VAPB: variants seen among roughly 807,000 people sequenced by gnomAD.
VAPB encodes the protein VAMP associated protein B and C, also known as vesicle-associated membrane protein-associated protein B/C.
In VAPB, 7 loss-of-function variants were observed where a neutral mutation model predicts 25.6. The observed-to-expected ratio is 0.27, with a 90% CI of 0.16 to 0.51. The LOEUF is 0.51. Among genes scored for constraint, VAPB ranks in the 20% least tolerant of loss-of-function variants. The pLI is 0.97. For missense variants in VAPB, 266 were observed against 301.3 expected, an observed-to-expected ratio of 0.88 and a Z score of 0.87; for synonymous variants, 112 against 109.2, an observed-to-expected ratio of 1.03 and a Z score of -0.16.
chr20:58,407,488 A>G (rs1988259100), intron 1 of VAPB, among the ~76,000 whole-genome samples: 1 of 152,214 alleles, frequency 6.6e-6, no homozygotes, highest in South Asian at 2.1e-4. Flanking sequence ...AAAATTTTTA[A>G]GTACAGAAAA....
At chr20:58,419,042 A>G (rs528137519) in intron 2 of VAPB, among the ~76,000 whole-genome samples, 1 of 152,192 alleles carries the variant, frequency 6.6e-6, no homozygotes, top group Non-Finnish European at 1.5e-5. Context: ...TGGAGTTTAA[A>G]TGTATTTTAG....
Position 58,447,988 on chromosome 20 carries a change from G to A in VAPB, c.*3753G>A. On this transcript the variant is annotated 3_prime_UTR_variant, in exon 6 of 6. Coordinates refer to ENST00000475243, the MANE Select transcript of VAPB (RefSeq NM_004738.5). ...CCCCTGCTGGAGATGGCATTTCATT[G>A]AAGGGCCTCTCGTGGCTTTCCCTGC... 2.2e-6 allele frequency: 1 copy of A among 453,954 alleles called. No homozygotes were observed. The highest frequency in any genetic ancestry group is 1.6e-5 in the South Asian group (1 of 64,462). 28.1% of individuals were successfully genotyped at this position (453,954 alleles called of 1,614,324 possible).
intron 3 of VAPB, among the ~76,000 whole-genome samples, chr20:58,436,992 C>CTTTTTTTTTTTTTTTTTT (rs34944837): frequency 1.3e-5 from 1 of 77,432 alleles, no homozygotes; most frequent in South Asian, 5.1e-4. Flanking sequence ...AAACTTTGAA[C>CTTTTTTTTTTTTTTTTTT]TTTTTTTTTT....
intron 1 of VAPB, among the ~76,000 whole-genome samples, chr20:58,417,199 A>G (rs146309443): frequency 2.8e-4 from 42 of 152,368 alleles, no homozygotes; most frequent in African/African-American, 8.9e-4. Flanking sequence ...TAGCCACCTG[A>G]CTAATAAACA....
At chr20:58,439,072 C>A in intron 4 of VAPB, 47 bp downstream of exon 4, 1 of 1,527,954 alleles carries the variant, frequency 6.5e-7, no homozygotes, top group Non-Finnish European at 9.1e-7. Context: ...TAAGCTGATA[C>A]TTATTTGCAT....
chr20:58,446,762 G>GGT lies in VAPB; in HGVS notation c.*2529_*2530dup, dbSNP rs1464391063. The stretch of plus-strand genomic sequence containing the variant: ...AGGAAACTGCTCAGGAAGAGAAACA[G>GGT]GTGACTGATGGGAAGGTTGATTATT... On this transcript the variant is annotated 3_prime_UTR_variant, in exon 6 of 6. Coordinates refer to ENST00000475243, the MANE Select transcript of VAPB (RefSeq NM_004738.5). The GGT allele has an allele frequency of 2.2e-6, 1 of 454,112 alleles. No individual in the cohort carries two copies. The highest frequency in any genetic ancestry group is 4.4e-6 in the Non-Finnish European group (1 of 226,794). 28.1% of individuals were successfully genotyped at this position (454,112 alleles called of 1,614,324 possible). A position where few individuals can be genotyped will look rare whatever the true frequency, so the allele number is the denominator to read the frequency against.
chr20:58,436,664 T>A (rs1171905115), intron 3 of VAPB, among the ~76,000 whole-genome samples: 1 of 152,174 alleles, frequency 6.6e-6, no homozygotes, highest in Non-Finnish European at 1.5e-5. Flanking sequence ...CTTTTTATTG[T>A]GATATACAGA....
chr20:58,400,292 T>C (rs1196137123), intron 1 of VAPB, among the ~76,000 whole-genome samples: 1 of 152,192 alleles, frequency 6.6e-6, no homozygotes, highest in Non-Finnish European at 1.5e-5. Flanking sequence ...GCTTGAGAAC[T>C]TAAGTTTATT....
intron 4 of VAPB, chr20:58,440,393 G>T (rs1316422375): frequency 6.2e-6 from 1 of 161,164 alleles, no homozygotes; most frequent in Non-Finnish European, 1.4e-5. Flanking sequence ...AATAAGGGGA[G>T]TATGTAACTT....
chr20:58,418,175 A>C lies in VAPB; in HGVS notation c.59-36A>C, dbSNP rs749492874. 35 of 1,613,718 alleles carry C rather than the reference A, an allele frequency of 2.2e-5. No homozygotes were observed. The South Asian group carries it at 3.6e-4, about 17-fold the overall frequency. On this transcript the variant is annotated intron_variant, in intron 1 of 5. Transcript: ENST00000475243. Reference sequence around the variant, plus strand: ...TCCACAAACCTTCTAAACTTTCCTCATGAGACCCCCAATCAGTCTCTGTCT... The same window carrying C: ...TCCACAAACCTTCTAAACTTTCCTCCTGAGACCCCCAATCAGTCTCTGTCT...
rs1568725690 is a variant in VAPB, at chr20:58,448,707, A to AAAGT, written c.*4478_*4481dup. 2.2e-6 allele frequency: 1 copy of AAAGT among 453,802 alleles called. No individual in the cohort carries two copies. The highest frequency in any genetic ancestry group is 2.4e-5 in the Admixed American group (1 of 42,524). 28.1% of individuals were successfully genotyped at this position (453,802 alleles called of 1,614,324 possible). A position where few individuals can be genotyped will look rare whatever the true frequency, so the allele number is the denominator to read the frequency against. ...TACCTTATTCAGTTATTTTCACACTAAAGTAAGTAGAATTAAGACTGTAGT... is the reference window on the plus strand; with the variant it reads ...TACCTTATTCAGTTATTTTCACACTAAAGTAAGTAAGTAGAATTAAGACTGTAGT... On this transcript the variant is annotated 3_prime_UTR_variant, in exon 6 of 6. Coordinates refer to ENST00000475243, the MANE Select transcript of VAPB (RefSeq NM_004738.5).
Position 58,448,548 on chromosome 20 carries a change from A to G in VAPB, c.*4313A>G. ...TTAAATCGGGCAACTTTTTAGAACT[A>G]AATCAGTCTCTGTAAGGCCTACATT... On this transcript the variant is annotated 3_prime_UTR_variant, in exon 6 of 6. Transcript: ENST00000475243. The G allele has an allele frequency of 2.2e-6, 1 of 454,084 alleles. No homozygotes were observed. The highest frequency in any genetic ancestry group is 1.6e-5 in the South Asian group (1 of 64,474). The allele number at this position is 454,084 out of a possible 1,614,324, so 28.1% of individuals were successfully genotyped here.
At chr20:58,389,620 G>A in intron 1 of VAPB, 103 bp downstream of exon 1, 2 of 1,286,240 alleles carry the variant, frequency 1.6e-6, no homozygotes, top group Non-Finnish European at 2.1e-6. Context: ...TCCCCACCCC[G>A]ACGGCGCTGT....
intron 1 of VAPB, among the ~76,000 whole-genome samples, chr20:58,407,885 A>G (rs924702800): frequency 6.6e-6 from 1 of 152,138 alleles, no homozygotes; most frequent in South Asian, 2.1e-4. Flanking sequence ...TATATTTTCA[A>G]TTCTGGCCAT....
chr20:58,405,670 C>A (rs1988209592), intron 1 of VAPB, among the ~76,000 whole-genome samples: 1 of 147,972 alleles, frequency 6.8e-6, no homozygotes, highest in African/African-American at 2.5e-5. Context: ...GTCTTGAACT[C>A]CTAAACTCCT....
chr20:58,389,273 C>G lies in VAPB; in HGVS notation c.-187C>G, dbSNP rs1237377237. ...GGCACCGCGGCCTCGCCCTCGCCCTCCGCCCCTGCGCCTGCACCGCGTAGA... is the reference window on the plus strand; with the variant it reads ...GGCACCGCGGCCTCGCCCTCGCCCTGCGCCCCTGCGCCTGCACCGCGTAGA... On this transcript the variant is annotated 5_prime_UTR_variant, in exon 1 of 6. Coordinates refer to ENST00000475243, the MANE Select transcript of VAPB (RefSeq NM_004738.5). The G allele has an allele frequency of 1.4e-6, 1 of 698,494 alleles. No individual in the cohort carries two copies. Among genetic ancestry groups the G allele is most frequent in the Non-Finnish European group, 2.5e-6 (1 of 392,402 alleles). The allele number at this position is 698,494 out of a possible 1,614,324, so 43.3% of individuals were successfully genotyped here. A position where few individuals can be genotyped will look rare whatever the true frequency, so the allele number is the denominator to read the frequency against.
Position 58,438,995 on chromosome 20 carries a change from G to A in VAPB, c.366G>A (p.Val122=). 6.2e-7 allele frequency: 1 copy of A among 1,613,934 alleles called. No individual in the cohort carries two copies. Among genetic ancestry groups the A allele is most frequent in the Non-Finnish European group, 8.5e-7 (1 of 1,179,992 alleles). The stretch of plus-strand genomic sequence containing the variant: ...TTATGGATTCAAAACTTAGATGTGT[G>A]TTTGAATTGCCAGCAGAGAATGATA... The part of the protein sequence containing the change: ...EDLMDSKLRC[V]FELPAENDKP... The change falls in exon 4 of 6, where the codon GTG becomes GTA. Residue 122 remains valine (V), a synonymous_variant. Transcript: ENST00000475243.
intron 1 of VAPB, among the ~76,000 whole-genome samples, chr20:58,389,943 C>G (rs1243327056): frequency 1.3e-5 from 2 of 152,202 alleles, no homozygotes; most frequent in African/African-American, 4.8e-5. Context: ...ACCCAGCCAC[C>G]GTGCACACCT....
intron 1 of VAPB, among the ~76,000 whole-genome samples, chr20:58,412,181 A>C (rs540077770): frequency 7.9e-5 from 12 of 152,264 alleles, no homozygotes; most frequent in African/African-American, 2.2e-4. Flanking sequence ...GTCATCTCCA[A>C]ATCCAAGGCC....
Sources: gnomAD v4.1 joint callset for allele counts (sites outside exome capture counted in the v4.1 genomes callset) on GRCh38, gnomAD v4.1.1 for gene constraint, MANE v1.5 for transcripts, NCBI Gene and HGNC (gene_info 2026-07-23, HGNC 2026-07-21) for gene names.